The following PTPN9 variants were observed in gnomAD, a reference collection of about 807,000 sequenced individuals.
PTPN9 encodes the protein protein tyrosine phosphatase non-receptor type 9.
PTPN9 carries 26 observed loss-of-function variants against 69.8 expected under a neutral mutation model. That is an observed-to-expected ratio of 0.37 (90% CI 0.27 to 0.52). The LOEUF (loss-of-function observed/expected upper bound fraction) is 0.52. PTPN9 is among the 20% of genes least tolerant of loss of function. The pLI is 0.91. For missense variants in PTPN9, 549 were observed against 740.3 expected, an observed-to-expected ratio of 0.74 and a Z score of 3.00; for synonymous variants, 274 against 272.5, an observed-to-expected ratio of 1.01 and a Z score of -0.05.
rs930615934 is a variant in PTPN9, at chr15:75,466,515, G to A, written c.*2254C>T. 2 of 152,120 alleles carry A rather than the reference G, an allele frequency of 1.3e-5. No homozygotes were observed. The highest frequency in any genetic ancestry group is 2.9e-5 in the Non-Finnish European group (2 of 68,034). The allele number at this position is 152,120 out of a possible 1,614,324, so 9.4% of individuals were successfully genotyped here. A position where few individuals can be genotyped will look rare whatever the true frequency, so the allele number is the denominator to read the frequency against. ...CCTGGGGAGAATGATAACCCCTTTG[G>A]TACGCTGCAGACATGAGGACCCTAC... On this transcript the variant is annotated 3_prime_UTR_variant, in exon 13 of 13. Coordinates refer to ENST00000618819, the MANE Select transcript of PTPN9 (RefSeq NM_002833.4).
chr15:75,573,263 C>G lies in PTPN9; in HGVS notation c.63+5451G>C, dbSNP rs998793674. Among the ~76,000 whole-genome samples, 20 of 152,088 alleles carry G rather than the reference C, an allele frequency of 1.3e-4. 1 individual carries two copies. The highest frequency in any genetic ancestry group is 1.3e-3 in the Admixed American group (20 of 15,252). On this transcript the variant is annotated intron_variant, in intron 1 of 12. Transcript: ENST00000618819. The stretch of plus-strand genomic sequence containing the variant: ...GTAGTAATTCCAATCTTGGGAGGGA[C>G]GATTAATTGCATGTGAAATGCCCAC...
intron 4 of PTPN9, among the ~76,000 whole-genome samples, chr15:75,518,119 CTCA>C: frequency 6.6e-6 from 1 of 152,168 alleles, no homozygotes; most frequent in Middle Eastern, 3.2e-3. Flanking sequence ...TGACTGTAGT[CTCA>C]GTACTTTGGG....
At chr15:75,553,122 T>C (rs1364065644) in intron 1 of PTPN9, among the ~76,000 whole-genome samples, 1 of 152,100 alleles carries the variant, frequency 6.6e-6, no homozygotes, top group African/African-American at 2.4e-5. Flanking sequence ...GAAAAGGTAA[T>C]ATTTGTAAAA....
At chr15:75,471,093 A>G (rs188291899) in intron 10 of PTPN9, among the ~76,000 whole-genome samples, 13 of 152,358 alleles carry the variant, frequency 8.5e-5, no homozygotes, top group Non-Finnish European at 1.8e-4. Context: ...CCTAATACGC[A>G]ATAGTACGTC....
intron 1 of PTPN9, among the ~76,000 whole-genome samples, chr15:75,546,885 A>G (rs962973829): frequency 2.6e-5 from 4 of 152,094 alleles, no homozygotes; most frequent in African/African-American, 9.7e-5. Flanking sequence ...ATAGCCAACA[A>G]CTAAGTGTTG....
chr15:75,575,984 AGCATTTTGG>A (rs1222614254), intron 1 of PTPN9, among the ~76,000 whole-genome samples: 1 of 150,652 alleles, frequency 6.6e-6, no homozygotes, highest in African/African-American at 2.4e-5. Flanking sequence ...CTGTAATCCC[AGCATTTTGG>A]GAGGCCAAGG....
At chr15:75,508,013 G>A (rs546658058) in intron 6 of PTPN9, among the ~76,000 whole-genome samples, 2 of 129,992 alleles carry the variant, frequency 1.5e-5, no homozygotes, top group South Asian at 4.8e-4. Flanking sequence ...CTGCACTCCA[G>A]CCTAGGCAAC....
At chr15:75,556,973 C>T (rs2141338228) in intron 1 of PTPN9, among the ~76,000 whole-genome samples, 1 of 152,308 alleles carries the variant, frequency 6.6e-6, no homozygotes, top group Middle Eastern at 3.4e-3. Flanking sequence ...TGGCTTATTT[C>T]ATGAAGCCGA....
intron 10 of PTPN9, 80 bp from the exon 11 acceptor site, chr15:75,470,910 A>AC: frequency 6.6e-7 from 1 of 1,507,654 alleles, no homozygotes; most frequent in Non-Finnish European, 9.0e-7. Flanking sequence ...GACCTGATAT[A>AC]CCCCCAGGCA....
intron 5 of PTPN9, 38 bp from the exon 6 acceptor site, chr15:75,509,065 A>C: frequency 6.5e-7 from 1 of 1,531,576 alleles, no homozygotes; most frequent in Non-Finnish European, 9.0e-7. Flanking sequence ...GTGTAATGGA[A>C]CCTGTGACTC....
At chr15:75,547,899 C>T (rs1459860064) in intron 1 of PTPN9, among the ~76,000 whole-genome samples, 1 of 152,160 alleles carries the variant, frequency 6.6e-6, no homozygotes, top group Admixed American at 6.6e-5. Context: ...CTCCTGATCT[C>T]AAGTGATCCA....
chr15:75,559,503 T>A (rs1280641605), intron 1 of PTPN9, among the ~76,000 whole-genome samples: 1 of 152,206 alleles, frequency 6.6e-6, no homozygotes, highest in Non-Finnish European at 1.5e-5. Flanking sequence ...ACATGTGCTG[T>A]GTCCACTCAG....
rs547078195 is a variant in PTPN9, at chr15:75,534,828, C to T, written c.64-7567G>A. Among the ~76,000 whole-genome samples the T allele has an allele frequency of 3.5e-3, 525 of 152,090 alleles. 4 individuals are homozygous for T. Among genetic ancestry groups the T allele is most frequent in the Non-Finnish European group, 2.4e-3 (166 of 68,002 alleles). On this transcript the variant is annotated intron_variant, in intron 1 of 12. Coordinates refer to ENST00000618819, the MANE Select transcript of PTPN9 (RefSeq NM_002833.4). Reference sequence around the variant, plus strand: ...TCTCTACTAAGAAAACAAAAATTAACCAGGTGTGCTGGCTTGCGCCTGTAA... The same window carrying T: ...TCTCTACTAAGAAAACAAAAATTAATCAGGTGTGCTGGCTTGCGCCTGTAA...
At chr15:75,561,927 C>T (rs1405360846) in intron 1 of PTPN9, among the ~76,000 whole-genome samples, 1 of 152,070 alleles carries the variant, frequency 6.6e-6, no homozygotes, top group African/African-American at 2.4e-5. Context: ...AGGCTGGTCT[C>T]GAACTCCCAA....
intron 1 of PTPN9, among the ~76,000 whole-genome samples, chr15:75,531,643 C>T (rs759309411): frequency 3.3e-5 from 5 of 150,926 alleles, no homozygotes; most frequent in African/African-American, 7.3e-5. Context: ...AGTACAGTGG[C>T]GCAATCTTGG....
intron 1 of PTPN9, among the ~76,000 whole-genome samples, chr15:75,550,098 A>G (rs993825176): frequency 1.3e-5 from 2 of 152,162 alleles, no homozygotes; most frequent in African/African-American, 2.4e-5. Flanking sequence ...ATGAATTTCA[A>G]AACAGCAGAG....
intron 1 of PTPN9, among the ~76,000 whole-genome samples, chr15:75,559,908 G>A (rs1326452203): frequency 6.6e-6 from 1 of 152,126 alleles, no homozygotes; most frequent in Non-Finnish European, 1.5e-5. Flanking sequence ...GGGAGGCCAA[G>A]GTGGGCAGAT....
At position 75,469,951 on chromosome 15, in the gene PTPN9, C is replaced by A. The variant is rs1458139337; in HGVS notation, c.1408G>T (p.Asp470Tyr). Residue 470 changes from aspartate to tyrosine, a missense_variant, in exon 12 of 13, where the codon GAC becomes TAC. Asp to Tyr is a radical substitution (Grantham distance 160, BLOSUM62 -3). Coordinates refer to ENST00000618819, the MANE Select transcript of PTPN9 (RefSeq NM_002833.4). ...VTHFQFLSWP[D>Y]YGVPSSAASL... ...GCTGCTGAGGAAGGGACACCATAGTCTGGCCAGCTCAAGAACTGGAAGTGG... is the reference window on the plus strand; with the variant it reads ...GCTGCTGAGGAAGGGACACCATAGTATGGCCAGCTCAAGAACTGGAAGTGG... 2 of 1,614,178 alleles carry A rather than the reference C, an allele frequency of 1.2e-6. No individual in the cohort carries two copies. Among genetic ancestry groups the A allele is most frequent in the Non-Finnish European group, 1.7e-6 (2 of 1,179,988 alleles).
intron 1 of PTPN9, among the ~76,000 whole-genome samples, chr15:75,560,495 CAGGCCTTT>C (rs2075099765): frequency 6.6e-6 from 1 of 152,122 alleles, no homozygotes; most frequent in Non-Finnish European, 1.5e-5. Context: ...TTTAAGTCTT[CAGGCCTTT>C]CTCTCAGTAA....
Sources: allele counts gnomAD v4.1 joint callset (sites outside exome capture counted in the v4.1 genomes callset), GRCh38; gene constraint gnomAD v4.1.1; transcripts MANE v1.5; gene names NCBI Gene and HGNC (gene_info 2026-07-23, HGNC 2026-07-21).